Variants in SDK1 observed in about 807,000 individuals in gnomAD.
SDK1 encodes the protein sidekick cell adhesion molecule 1.
Under a neutral mutation model 245.5 loss-of-function variants are expected in SDK1, and 157 were observed. The observed-to-expected ratio is 0.64, with a 90% CI of 0.56 to 0.73. The LOEUF is 0.73. Ranked by LOEUF, SDK1 falls within the 30% of genes least tolerant of loss-of-function variation. The pLI, the probability that SDK1 is intolerant of heterozygous loss-of-function variation, is 0.00. For synonymous variants in SDK1, 1,647 were observed against 1,278.5 expected (o/e 1.29, Z -6.15); for missense variants, 3,583 against 3,002.3 (o/e 1.19, Z -4.52).
In SDK1 at chr7:3,457,946, A is replaced by G. The variant is rs531795527; in HGVS notation, c.298+156062A>G. Among the ~76,000 whole-genome samples the G allele has an allele frequency of 5.3e-5, 8 of 152,262 alleles. No individual in the cohort carries two copies. In the South Asian group the frequency reaches 1.4e-3, roughly 28 times the overall value. On this transcript the variant is annotated intron_variant, in intron 1 of 44. Coordinates refer to ENST00000404826, the MANE Select transcript of SDK1 (RefSeq NM_152744.4). ...TGATCTTTGGAAATGTCTATATTTT[A>G]CTCTCACACTTGTCTAGGTAAAAAG...
intron 1 of SDK1, among the ~76,000 whole-genome samples, chr7:3,383,109 T>C (rs915574821): frequency 6.6e-6 from 1 of 152,188 alleles, no homozygotes; most frequent in Non-Finnish European, 1.5e-5. Flanking sequence ...TTCAAAATTA[T>C]GAATTTAGAA....
rs759493566 is a variant in SDK1, at chr7:3,821,561, A to G, written c.825A>G (p.Pro275=). The change falls in exon 5 of 45, where the codon CCA becomes CCG. Residue 275 remains proline (P), a synonymous_variant. Transcript: ENST00000404826. ...AAAATGGAGAAAACAAGACAAGCCCATTCATTCATTTGAGCATAGCAAGTG... is the reference window on the plus strand; with the variant it reads ...AAAATGGAGAAAACAAGACAAGCCCGTTCATTCATTTGAGCATAGCAAGTG... ...NEKNGENKTS[P]FIHLSIARDV... is the part of the protein sequence containing the mutation. 12 of 1,613,676 alleles carry G rather than the reference A, an allele frequency of 7.4e-6. No homozygotes were observed. The highest frequency in any genetic ancestry group is 1.0e-5 in the Non-Finnish European group (12 of 1,179,878).
At chr7:3,837,039 C>G (rs1780043303) in intron 5 of SDK1, among the ~76,000 whole-genome samples, 1 of 152,188 alleles carries the variant, frequency 6.6e-6, no homozygotes, top group Non-Finnish European at 1.5e-5. Flanking sequence ...CCCCTGTCCT[C>G]TTGTGTTAGA....
chr7:4,137,997 G>A (rs1264426527), intron 28 of SDK1, among the ~76,000 whole-genome samples: 1 of 152,190 alleles, frequency 6.6e-6, no homozygotes, highest in Non-Finnish European at 1.5e-5. Context: ...TGAGCTATAG[G>A]CATTCATCTT....
At chr7:3,367,098 A>C (rs1200238025) in intron 1 of SDK1, among the ~76,000 whole-genome samples, 1 of 152,114 alleles carries the variant, frequency 6.6e-6, no homozygotes, top group Admixed American at 6.5e-5. Flanking sequence ...AAGTTGTGAA[A>C]GTTACTTCCC....
chr7:3,929,817 C>T (rs1039956433), intron 5 of SDK1, among the ~76,000 whole-genome samples: 1 of 151,952 alleles, frequency 6.6e-6, no homozygotes, highest in African/African-American at 2.4e-5. Context: ...GAAAGGAATA[C>T]CTGAGGCTGG....
intron 1 of SDK1, among the ~76,000 whole-genome samples, chr7:3,413,694 C>CAAAT (rs982453161): frequency 1.3e-5 from 2 of 151,790 alleles, no homozygotes; most frequent in Non-Finnish European, 2.9e-5. Context: ...CTCAAACAAA[C>CAAAT]AAATAAATAA....
intron 1 of SDK1, among the ~76,000 whole-genome samples, chr7:3,493,852 C>T (rs1346344913): frequency 6.6e-6 from 1 of 152,174 alleles, no homozygotes; most frequent in African/African-American, 2.4e-5. Context: ...ATTGAATTGG[C>T]ACCAAAGTTC....
At chr7:3,746,772 T>C (rs55841634) in intron 4 of SDK1, among the ~76,000 whole-genome samples, 19,066 of 152,222 alleles carry the variant, frequency 0.13, 1,315 homozygotes, top group Middle Eastern at 0.25. Flanking sequence ...CATCTGCACT[T>C]ACTTCTTCCA....
At chr7:4,015,809 C>G (rs546350272) in intron 16 of SDK1, among the ~76,000 whole-genome samples, 1 of 152,204 alleles carries the variant, frequency 6.6e-6, no homozygotes, top group African/African-American at 2.4e-5. Context: ...GGCCCGGTAC[C>G]TTCTTGCTAC....
chr7:4,070,950 T>C (rs920425516), intron 20 of SDK1, among the ~76,000 whole-genome samples: 3 of 151,928 alleles, frequency 2.0e-5, no homozygotes, highest in African/African-American at 7.3e-5. Flanking sequence ...GACCTCGTGA[T>C]CCACCCACTT....
At chr7:4,145,966 T>C in intron 29 of SDK1, 50 bp downstream of exon 29, 1 of 1,499,074 alleles carries the variant, frequency 6.7e-7, no homozygotes, top group Non-Finnish European at 9.0e-7. Flanking sequence ...GGGCACAGCT[T>C]CCTCAATCAG....
chr7:3,736,645 A>G (rs1316225004), intron 4 of SDK1, among the ~76,000 whole-genome samples: 1 of 152,062 alleles, frequency 6.6e-6, no homozygotes, highest in Non-Finnish European at 1.5e-5. Context: ...AGTTTTTCTA[A>G]GCTTTACTGA....
intron 1 of SDK1, among the ~76,000 whole-genome samples, chr7:3,561,637 C>G (rs1779755726): frequency 6.6e-6 from 1 of 152,124 alleles, no homozygotes; most frequent in African/African-American, 2.4e-5. Context: ...GACTGGTTCC[C>G]TCAATTTTAA....
intron 37 of SDK1, among the ~76,000 whole-genome samples, chr7:4,208,763 C>G (rs1784370808): frequency 2.0e-5 from 3 of 152,204 alleles, no homozygotes; most frequent in African/African-American, 4.8e-5. Context: ...GGAGACTGCT[C>G]ACTACACACA....
intron 5 of SDK1, among the ~76,000 whole-genome samples, chr7:3,912,564 C>A (rs1270927170): frequency 1.3e-5 from 2 of 152,208 alleles, no homozygotes; most frequent in African/African-American, 4.8e-5. Flanking sequence ...CTTCAGTGGA[C>A]TGAAGATAGG....
intron 1 of SDK1, among the ~76,000 whole-genome samples, chr7:3,589,751 G>A (rs1474649110): frequency 2.0e-5 from 3 of 152,178 alleles, no homozygotes; most frequent in Admixed American, 1.3e-4. Flanking sequence ...CCCATGATTC[G>A]ATTGCCTCCC....
At chr7:3,862,678 G>T (rs1470049000) in intron 5 of SDK1, among the ~76,000 whole-genome samples, 2 of 152,050 alleles carry the variant, frequency 1.3e-5, no homozygotes, top group Non-Finnish European at 2.9e-5. Flanking sequence ...AATACGTCAG[G>T]CTTTTTCTGA....
chr7:3,536,050 C>G (rs983941428), intron 1 of SDK1, among the ~76,000 whole-genome samples: 8 of 147,870 alleles, frequency 5.4e-5, no homozygotes, highest in African/African-American at 2.0e-4. Context: ...TTGACTTGTG[C>G]TGGCAGAATA....
Sources: gnomAD v4.1 joint callset for allele counts (sites outside exome capture counted in the v4.1 genomes callset) on GRCh38, gnomAD v4.1.1 for gene constraint, MANE v1.5 for transcripts, NCBI Gene and HGNC (gene_info 2026-07-23, HGNC 2026-07-21) for gene names.